The following DOCK8 variants were observed in gnomAD, a reference collection of about 807,000 sequenced individuals.
DOCK8 encodes dedicator of cytokinesis 8, also known as dedicator of cytokinesis protein 8.
A neutral mutation model predicts 245.6 loss-of-function variants in DOCK8; 141 were observed. That is an observed-to-expected ratio of 0.57 (90% CI 0.50 to 0.66). DOCK8 has a LOEUF of 0.66. DOCK8 is among the 30% of genes least tolerant of loss of function. DOCK8 has a pLI of 0.00. For missense variants in DOCK8, 2,965 were observed against 2,603.4 expected (o/e 1.14, Z -3.02); for synonymous variants, 1,168 against 970.2 (o/e 1.20, Z -3.79).
chr9:446,663 G>A (rs2131844789), intron 44 of DOCK8, 57 bp downstream of exon 44: 1 of 1,512,034 alleles, frequency 6.6e-7, no homozygotes, highest in Non-Finnish European at 9.2e-7. Context: ...GGCCTCCCAG[G>A]AGGACCCACA....
chr9:435,281 T>G (rs565876170), intron 39 of DOCK8, among the ~76,000 whole-genome samples: 2 of 152,338 alleles, frequency 1.3e-5, no homozygotes, highest in African/African-American at 4.8e-5. Context: ...GTTGGGTTTT[T>G]TTTAAATTAC....
intron 14 of DOCK8, among the ~76,000 whole-genome samples, chr9:364,182 G>A (rs2052867072): frequency 6.6e-6 from 1 of 152,076 alleles, no homozygotes; most frequent in Non-Finnish European, 1.5e-5. Context: ...ATTTTTAGAG[G>A]AGACCAGTAT....
chr9:213,352 G>A (rs1340287583), upstream of DOCK8: 4 of 152,070 alleles, frequency 2.6e-5, no homozygotes, highest in Non-Finnish European at 4.4e-5. Context: ...AGTATTAGGT[G>A]ACAAATTAGG....
In DOCK8 at chr9:420,277, A is replaced by G. The variant is rs139702761; in HGVS notation, c.3841-124A>G. 17 of 1,029,114 alleles carry G rather than the reference A, an allele frequency of 1.7e-5. No individual in the cohort carries two copies. The East Asian group carries it at 4.3e-4, about 26-fold the overall frequency. The allele number at this position is 1,029,114 out of a possible 1,614,324, so 63.7% of individuals were successfully genotyped here. A position where few individuals can be genotyped will look rare whatever the true frequency, so the allele number is the denominator to read the frequency against. ...GCAATAGATCTCCAGCCTAGCAGTG[A>G]TGTACAGTCATGGTATTTTAAGAGA... On this transcript the variant is annotated intron_variant, in intron 30 of 47. Transcript: ENST00000432829.
chr9:324,641 C>T (rs970792808), intron 7 of DOCK8, among the ~76,000 whole-genome samples: 1 of 152,164 alleles, frequency 6.6e-6, no homozygotes, highest in Admixed American at 6.5e-5. Context: ...CAAGCCCCTC[C>T]CTGACCTCAA....
chr9:385,836 A>T (rs1406651447), intron 22 of DOCK8, among the ~76,000 whole-genome samples: 1 of 152,214 alleles, frequency 6.6e-6, no homozygotes, highest in Non-Finnish European at 1.5e-5. Flanking sequence ...AAATGAAAAT[A>T]TTAAATTTTT....
At chr9:218,333 C>A (rs1405745464) in intron 1 of DOCK8, among the ~76,000 whole-genome samples, 1 of 152,166 alleles carries the variant, frequency 6.6e-6, no homozygotes, top group South Asian at 2.1e-4. Flanking sequence ...ATTTGTAAAG[C>A]GTTCAGTTCT....
At chr9:264,976 G>A (rs970559831) in intron 1 of DOCK8, among the ~76,000 whole-genome samples, 15 of 152,116 alleles carry the variant, frequency 9.9e-5, no homozygotes, top group African/African-American at 3.1e-4. Flanking sequence ...TTGTCCCCCA[G>A]GCTGGAGTGC....
intron 8 of DOCK8, among the ~76,000 whole-genome samples, chr9:326,504 G>A (rs2050773224): frequency 6.6e-6 from 1 of 152,202 alleles, no homozygotes; most frequent in Non-Finnish European, 1.5e-5. Flanking sequence ...CAGAGTTTCT[G>A]ATTCAGCAAG....
chr9:375,457 A>G (rs902462377), intron 18 of DOCK8, among the ~76,000 whole-genome samples: 1 of 152,262 alleles, frequency 6.6e-6, no homozygotes, highest in African/African-American at 2.4e-5. Flanking sequence ...GGTGAAAGGG[A>G]AAGTAATATC....
At position 439,151 on chromosome 9, in the gene DOCK8, A is replaced by G. The variant is rs189236157; in HGVS notation, c.5080-94A>G. 51 of 1,521,242 alleles carry G rather than the reference A, an allele frequency of 3.4e-5. No individual in the cohort carries two copies. The Middle Eastern group carries it at 1.5e-3, about 46-fold the overall frequency. The allele number at this position is 1,521,242 out of a possible 1,614,324, so 94.2% of individuals were successfully genotyped here. ...AGTCACGGTCTTGGTAAGGATCTGC[A>G]CACCAGCTTCCTCGTTTCCCCATTC... On this transcript the variant is annotated intron_variant, in intron 39 of 47. Coordinates refer to ENST00000432829, the MANE Select transcript of DOCK8 (RefSeq NM_203447.4).
At chr9:339,156 C>A in intron 13 of DOCK8, 57 bp downstream of exon 13, 2 of 1,435,440 alleles carry the variant, frequency 1.4e-6, no homozygotes, top group Non-Finnish European at 2.0e-6. Flanking sequence ...TATCGTTAGA[C>A]ACAGTCTTTG....
intron 8 of DOCK8, among the ~76,000 whole-genome samples, chr9:326,645 C>G (rs1337305936): frequency 6.6e-6 from 1 of 152,196 alleles, no homozygotes; most frequent in Non-Finnish European, 1.5e-5. Flanking sequence ...CTTTAACCAT[C>G]CAGGGTGGGA....
intron 1 of DOCK8, among the ~76,000 whole-genome samples, chr9:227,856 C>T (rs1250032043): frequency 6.6e-6 from 1 of 151,854 alleles, no homozygotes; most frequent in Non-Finnish European, 1.5e-5. Flanking sequence ...AGAAGAGATA[C>T]GAAAAGATAG....
At chr9:304,843 T>C in intron 5 of DOCK8, 139 bp downstream of exon 5, 1 of 1,106,900 alleles carries the variant, frequency 9.0e-7, no homozygotes, top group Non-Finnish European at 1.3e-6. Context: ...GAGTCAGTGA[T>C]TTTTTTTTTC....
chr9:448,137 C>G (rs1014306810), intron 44 of DOCK8, among the ~76,000 whole-genome samples: 2 of 152,198 alleles, frequency 1.3e-5, no homozygotes, highest in South Asian at 2.1e-4. Flanking sequence ...TCCTCTGTTG[C>G]CCTAGAGTGC....
chr9:309,430 T>C (rs958938896), intron 5 of DOCK8, among the ~76,000 whole-genome samples: 6 of 152,142 alleles, frequency 3.9e-5, no homozygotes, highest in African/African-American at 1.4e-4. Context: ...TTTAGTAGAA[T>C]TTTGAGAATA....
At position 298,127 on chromosome 9, in the gene DOCK8, G is replaced by GA. The variant is rs147509701; in HGVS notation, c.405-6450dup. Among the ~76,000 whole-genome samples the GA allele has an allele frequency of 3.3e-3, 507 of 152,298 alleles. 11 individuals are homozygous for GA. The East Asian group carries it at 0.067, about 20-fold the overall frequency. On this transcript the variant is annotated intron_variant, in intron 4 of 47. Coordinates refer to ENST00000432829, the MANE Select transcript of DOCK8 (RefSeq NM_203447.4). ...TCAAAAGTTAAGCATCTTTTGAAGA[G>GA]AAAATTTGATTTTAGGGCCAGGTGG... is the stretch of plus-strand genomic sequence containing the variant.
At chr9:350,880 T>A (rs2052133443) in intron 14 of DOCK8, among the ~76,000 whole-genome samples, 1 of 152,198 alleles carries the variant, frequency 6.6e-6, no homozygotes. Context: ...ATCAGAGCTG[T>A]GGACCCCCGT....
Sources: allele counts gnomAD v4.1 joint callset (sites outside exome capture counted in the v4.1 genomes callset), GRCh38; gene constraint gnomAD v4.1.1; transcripts MANE v1.5; gene names NCBI Gene and HGNC (gene_info 2026-07-23, HGNC 2026-07-21).